The following VWA3B variants were observed in gnomAD, a reference collection of about 807,000 sequenced individuals.
VWA3B encodes the protein von Willebrand factor A domain-containing protein 3B.
A neutral mutation model predicts 158.3 loss-of-function variants in VWA3B; 138 were observed. The observed-to-expected ratio is 0.87, with a 90% CI of 0.76 to 1.00. The LOEUF is 1.00. Among genes scored for constraint, VWA3B ranks in the 50% least tolerant of loss-of-function variants. The pLI is 0.00. For synonymous variants in VWA3B, 596 were observed against 587.3 expected, an observed-to-expected ratio of 1.01 and a Z score of -0.21; for missense variants, 1,555 against 1,565.1, an observed-to-expected ratio of 0.99 and a Z score of 0.11.
chr2:98,279,785 G>A (rs759819787), intron 22 of VWA3B, among the ~76,000 whole-genome samples: 4 of 152,260 alleles, frequency 2.6e-5, no homozygotes, highest in East Asian at 3.9e-4. Context: ...TGAGCTTGGC[G>A]CGTGCCTCAA....
At position 98,194,341 on chromosome 2, in the gene VWA3B, A is replaced by G. The variant is rs1425504153; in HGVS notation, c.1606-20A>G. On this transcript the variant is annotated intron_variant, in intron 11 of 27. Coordinates refer to ENST00000477737, the MANE Select transcript of VWA3B (RefSeq NM_144992.5). ...AACATCTGAGTGGTTTTATGGTTAA[A>G]TAATCATTGTCTCTTTTAGGAACAG... The G allele has an allele frequency of 1.2e-6, 2 of 1,610,156 alleles. No individual in the cohort carries two copies. The highest frequency in any genetic ancestry group is 4.5e-5 in the East Asian group (2 of 44,784).
intron 22 of VWA3B, among the ~76,000 whole-genome samples, 181 bp from the exon 23 acceptor site, chr2:98,290,330 C>A (rs1162249153): frequency 6.6e-6 from 1 of 152,072 alleles, no homozygotes; most frequent in Admixed American, 6.5e-5. Flanking sequence ...GGTGCTAAAC[C>A]ACCCCCATGA....
chr2:98,185,549 C>T (rs753502227), intron 9 of VWA3B, among the ~76,000 whole-genome samples: 3 of 152,244 alleles, frequency 2.0e-5, no homozygotes, highest in Admixed American at 6.5e-5. Flanking sequence ...TGGCTGTCCT[C>T]TCCTCCTGAA....
chr2:98,242,491 A>T (rs1449703639), intron 19 of VWA3B, among the ~76,000 whole-genome samples: 1 of 152,014 alleles, frequency 6.6e-6, no homozygotes, highest in Admixed American at 6.5e-5. Context: ...GCATTGAAAT[A>T]ATTTGGGAAA....
downstream of VWA3B, among the ~76,000 whole-genome samples, chr2:98,315,011 G>A (rs976829900): frequency 4.0e-5 from 6 of 151,684 alleles, no homozygotes; most frequent in Non-Finnish European, 8.8e-5. Flanking sequence ...AAAAAGAGAA[G>A]CCAATTGGAA....
intron 23 of VWA3B, among the ~76,000 whole-genome samples, chr2:98,296,235 G>A (rs2105968542): frequency 6.6e-6 from 1 of 152,378 alleles, no homozygotes; most frequent in Middle Eastern, 3.4e-3. Context: ...TGTGGCTGTA[G>A]TGGCAGCTCA....
chr2:98,286,255 CTATT>C (rs1019814923), intron 22 of VWA3B, among the ~76,000 whole-genome samples: 6 of 151,986 alleles, frequency 3.9e-5, no homozygotes, highest in Non-Finnish European at 7.4e-5. Context: ...CTGGAGACAC[CTATT>C]TATTTATTTA....
chr2:98,280,272 T>C (rs1688793450), intron 22 of VWA3B, among the ~76,000 whole-genome samples: 1 of 152,160 alleles, frequency 6.6e-6, no homozygotes, highest in African/African-American at 2.4e-5. Context: ...GATAGGGAAA[T>C]AGTTTTGGAT....
intron 21 of VWA3B, among the ~76,000 whole-genome samples, chr2:98,265,032 AT>A (rs1313647024): frequency 3.4e-5 from 5 of 147,480 alleles, no homozygotes; most frequent in East Asian, 4.0e-4. Flanking sequence ...CTTAAAATCT[AT>A]TTTTTTATTT....
intron 9 of VWA3B, among the ~76,000 whole-genome samples, chr2:98,185,725 CCTGT>C (rs1378886744): frequency 6.6e-6 from 1 of 152,210 alleles, no homozygotes; most frequent in Non-Finnish European, 1.5e-5. Context: ...TTGTCCTTGT[CCTGT>C]CTAAGGCCAT....
the VWA3B span, among the ~76,000 whole-genome samples, chr2:98,319,326 T>A: frequency 6.6e-6 from 1 of 151,550 alleles, no homozygotes; most frequent in African/African-American, 2.4e-5. Context: ...AATGCATTTT[T>A]AAAAATATAT....
rs144575446 is a variant in VWA3B at position 98,210,654 on chromosome 2, G to C, written c.1738-1276G>C. Among the ~76,000 whole-genome samples the C allele has an allele frequency of 6.6e-5, 10 of 152,278 alleles. No homozygotes were observed. In the East Asian group the frequency reaches 1.9e-3, roughly 29 times the overall value. ...GGAGAGTGCCCATGGTATATGGTGA[G>C]GCCTGAGATGCCTTGGGTGGGGTGG... On this transcript the variant is annotated intron_variant, in intron 12 of 27. Transcript: ENST00000477737.
chr2:98,217,970 G>C lies in VWA3B; in HGVS notation c.1961G>C (p.Gly654Ala), dbSNP rs1684170701. ...AAAGAGGTTGCTGCTTTGACTGGAG[G>C]AGAGTTCCATTTTTATAATTTTGGT... is the stretch of plus-strand genomic sequence containing the variant. ...FLKEVAALTG[G>A]EFHFYNFGCK... is the part of the protein sequence containing the mutation. The change falls in exon 14 of 28, where the codon GGA becomes GCA. Residue 654 changes from glycine (G) to alanine (A), a missense_variant. Gly to Ala is a moderately conservative substitution (Grantham distance 60, BLOSUM62 0). Transcript: ENST00000477737. 6.2e-7 allele frequency: 1 copy of C among 1,613,432 alleles called. No individual in the cohort carries two copies.
chr2:98,112,658 C>G (rs997945948), intron 2 of VWA3B, among the ~76,000 whole-genome samples: 1 of 151,544 alleles, frequency 6.6e-6, no homozygotes, highest in African/African-American at 2.4e-5. Flanking sequence ...CTGGATTTAT[C>G]GAGCTTCTTG....
At chr2:98,249,560 G>A (rs1686662718) in intron 19 of VWA3B, among the ~76,000 whole-genome samples, 1 of 152,134 alleles carries the variant, frequency 6.6e-6, no homozygotes, top group African/African-American at 2.4e-5. Context: ...CCCAAAATTG[G>A]GGAAGGAGAC....
intron 13 of VWA3B, among the ~76,000 whole-genome samples, chr2:98,215,676 C>A (rs983626209): frequency 4.6e-5 from 7 of 151,784 alleles, no homozygotes; most frequent in Non-Finnish European, 8.8e-5. Context: ...CGCCGCCACA[C>A]CCGGCTAATT....
downstream of VWA3B, among the ~76,000 whole-genome samples, chr2:98,316,198 A>C (rs1691081753): frequency 6.6e-6 from 1 of 152,202 alleles, no homozygotes; most frequent in Non-Finnish European, 1.5e-5. Context: ...AAGCATGTTT[A>C]CAGTAGGAGA....
intron 23 of VWA3B, among the ~76,000 whole-genome samples, chr2:98,292,637 G>C (rs1689564639): frequency 6.6e-6 from 1 of 152,080 alleles, no homozygotes; most frequent in Non-Finnish European, 1.5e-5. Flanking sequence ...GCCTTGGAGA[G>C]AGTTTTATGG....
At chr2:98,119,397 G>C in intron 3 of VWA3B, 116 bp from the exon 4 acceptor site, 1 of 1,189,270 alleles carries the variant, frequency 8.4e-7, no homozygotes, top group Non-Finnish European at 1.2e-6. Flanking sequence ...ATTCTGTAGT[G>C]TTTGGAGGGT....
Sources: gnomAD v4.1 joint callset for allele counts (sites outside exome capture counted in the v4.1 genomes callset) on GRCh38, gnomAD v4.1.1 for gene constraint, MANE v1.5 for transcripts, NCBI Gene and HGNC (gene_info 2026-07-23, HGNC 2026-07-21) for gene names.